The following TLE2 variants were observed in gnomAD, a reference collection of about 807,000 sequenced individuals.
TLE2 encodes TLE family member 2, transcriptional corepressor.
In TLE2, 74 loss-of-function variants were observed where a neutral mutation model predicts 97.2. That is an observed-to-expected ratio of 0.76 (90% CI 0.63 to 0.92). The LOEUF (loss-of-function observed/expected upper bound fraction) is 0.92. Among genes scored for constraint, TLE2 ranks in the 40% least tolerant of loss-of-function variants. The pLI is 0.00. For synonymous variants in TLE2, 499 were observed against 432.1 expected (o/e 1.15, Z -1.92); for missense variants, 1,038 against 1,008.7 (o/e 1.03, Z -0.39).
intron 19 of TLE2, among the ~76,000 whole-genome samples, chr19:2,998,275 G>A (rs2909198): frequency 0.49 from 53,464 of 110,194 alleles, 11,639 homozygotes; most frequent in African/African-American, 0.58. Context: ...GTGTGTGTGT[G>A]TAATTTTTTT....
intron 19 of TLE2, 24 bp downstream of exon 19, chr19:3,000,623 T>C (rs769785780): frequency 2.6e-6 from 4 of 1,563,538 alleles, no homozygotes; most frequent in Non-Finnish European, 2.6e-6. Context: ...CCTGCCAGAG[T>C]GGGGGCTCCA....
intron 17 of TLE2, 80 bp from the exon 18 acceptor site, chr19:3,002,583 G>T: frequency 6.7e-7 from 1 of 1,500,798 alleles, no homozygotes; most frequent in Non-Finnish European, 8.9e-7. Context: ...CCGTCACCCA[G>T]GCTGGAGTGC....
chr19:3,007,009 TC>T (rs1330626182), intron 14 of TLE2, among the ~76,000 whole-genome samples: 1 of 152,012 alleles, frequency 6.6e-6, no homozygotes, highest in East Asian at 1.9e-4. Context: ...GGTTTTGAAC[TC>T]CTAACCTCAA....
At chr19:3,003,567 G>A (rs1381737144) in intron 17 of TLE2, among the ~76,000 whole-genome samples, 1 of 152,042 alleles carries the variant, frequency 6.6e-6, no homozygotes, top group Non-Finnish European at 1.5e-5. Flanking sequence ...GAACTTGGGA[G>A]GTGGAGGTTG....
In TLE2 at chr19:3,028,559, C is replaced by T. The variant is rs1362527304; in HGVS notation, c.122+147G>A. On this transcript the variant is annotated intron_variant, in intron 2 of 19. Transcript: ENST00000262953. ...GCCCCAGCTCTGACTGTCCCCAGAC[C>T]CCTCTGCACCTGCGCTTCCACCTGG... 2.9e-6 allele frequency: 3 copies of T among 1,044,418 alleles called. No homozygotes were observed. The South Asian group carries it at 4.5e-5, about 16-fold the overall frequency. The allele number at this position is 1,044,418 out of a possible 1,614,324, so 64.7% of individuals were successfully genotyped here.
intron 1 of TLE2, among the ~76,000 whole-genome samples, chr19:3,040,228 G>A (rs2090090126): frequency 1.3e-5 from 2 of 152,210 alleles, no homozygotes; most frequent in South Asian, 4.1e-4. Context: ...CTTCCCTGGA[G>A]AGCTCATTGC....
chr19:3,008,906 C>T lies in TLE2; in HGVS notation c.1213G>A (p.Val405Ile), dbSNP rs1174693446. The T allele has an allele frequency of 1.0e-5, 16 of 1,595,094 alleles. No individual in the cohort carries two copies. The highest frequency in any genetic ancestry group is 4.0e-5 in the African/African-American group (3 of 74,314). The change falls in exon 14 of 20, where the codon GTC becomes ATC. Residue 405 changes from valine to isoleucine, a missense_variant. Physicochemically the swap from Val to Ile is conservative, Grantham distance 29 (BLOSUM62 3). Transcript: ENST00000262953. ...GGGATGCTGGGTAGGGAGGAAGAGACGGATGACCCTCGGAGATGGGGATGA... is the reference window on the plus strand; with the variant it reads ...GGGATGCTGGGTAGGGAGGAAGAGATGGATGACCCTCGGAGATGGGGATGA... ...ESHPHLRGSSVSSSLPSIPGG... is the reference protein window; with the variant it reads ...ESHPHLRGSSISSSLPSIPGG...
rs1197524548 is a variant in TLE2, at chr19:3,013,716, C to T, written c.826G>A (p.Ala276Thr). Residue 276 changes from alanine (A) to threonine (T), a missense_variant, in exon 11 of 20, where the codon GCC becomes ACC. Physicochemically the swap from Ala to Thr is moderately conservative, Grantham distance 58. Coordinates refer to ENST00000262953, the MANE Select transcript of TLE2 (RefSeq NM_003260.5). ...GGCAGCGGTGAGCCAAGGCTAGAGG[C>T]CAAGGAGGCTGGACTGTCCACCAGG... The part of the protein sequence containing the change: ...RDLVDSPASL[A>T]SSLGSPLPRA... 4 of 1,536,218 alleles carry T rather than the reference C, an allele frequency of 2.6e-6. No individual in the cohort carries two copies. The highest frequency in any genetic ancestry group is 3.5e-6 in the Non-Finnish European group (4 of 1,142,868).
At chr19:3,036,411 A>T (rs2090063424) in intron 1 of TLE2, among the ~76,000 whole-genome samples, 1 of 152,106 alleles carries the variant, frequency 6.6e-6, no homozygotes, top group Non-Finnish European at 1.5e-5. Context: ...GGCGCGGTAT[A>T]ATTACAGCCC....
At chr19:3,011,261 C>G (rs1272168525) in intron 11 of TLE2, 101 bp from the exon 12 acceptor site, 1 of 1,316,552 alleles carries the variant, frequency 7.6e-7, no homozygotes, top group African/African-American at 1.5e-5. Context: ...GTCGCAGTGT[C>G]TCACACCTGT....
upstream of TLE2, among the ~76,000 whole-genome samples, chr19:3,031,492 T>A (rs2090024803): frequency 6.6e-6 from 1 of 152,010 alleles, no homozygotes; most frequent in Non-Finnish European, 1.5e-5. Context: ...ACCATCTCTT[T>A]ATGTTTTGTT....
At position 3,005,541 on chromosome 19, in the gene TLE2, A is replaced by AC; in HGVS notation, c.1791_1792insG (p.Ser598ValfsTer31). The AC allele has an allele frequency of 6.2e-7, 1 of 1,613,660 alleles. No homozygotes were observed. The highest frequency in any genetic ancestry group is 8.5e-7 in the Non-Finnish European group (1 of 1,179,786). On this transcript the variant is annotated frameshift_variant, in exon 17 of 20. Transcript: ENST00000262953. LOFTEE classifies it high-confidence loss of function. Reference sequence around the variant, plus strand: ...GTCCAGAGCCGAGTGCCGTAATCGGAAATATCAATGCAGCTGGCGCCGTCC... The same window carrying AC: ...GTCCAGAGCCGAGTGCCGTAATCGGACAATATCAATGCAGCTGGCGCCGTCC...
chr19:3,014,059 G>A (rs1662575591), intron 10 of TLE2, among the ~76,000 whole-genome samples: 2 of 151,426 alleles, frequency 1.3e-5, no homozygotes, highest in African/African-American at 4.9e-5. Flanking sequence ...TCCGCCTCCT[G>A]GGTTCAAGCG....
intron 8 of TLE2, among the ~76,000 whole-genome samples, chr19:3,016,566 G>A (rs1246986483): frequency 6.9e-6 from 1 of 144,576 alleles, no homozygotes; most frequent in African/African-American, 2.6e-5. Context: ...CTCCAGCCTG[G>A]GCGACAGGGC....
chr19:3,044,967 C>T (rs923116587), intron 1 of TLE2, among the ~76,000 whole-genome samples: 20 of 152,138 alleles, frequency 1.3e-4, no homozygotes, highest in Non-Finnish European at 2.4e-4. Flanking sequence ...ACTGTCATCC[C>T]AGCACTTTGG....
intron 5 of TLE2, among the ~76,000 whole-genome samples, chr19:3,024,379 A>G (rs2089904303): frequency 6.6e-6 from 1 of 151,984 alleles, no homozygotes; most frequent in African/African-American, 2.4e-5. Flanking sequence ...TTGTGCAGCC[A>G]TCCCCAGCAC....
rs948993804 is a variant in TLE2 at position 3,019,679 on chromosome 19, C to T, written c.369+20G>A. The T allele has an allele frequency of 2.5e-6, 4 of 1,600,452 alleles. No individual in the cohort carries two copies. The African/African-American group carries it at 4.0e-5, about 16-fold the overall frequency. ...GAGTGGGCGTCTCCCCATGGCGGGG[C>T]AGGGGCTAGAGAGACTCACCCCGAT... On this transcript the variant is annotated intron_variant, in intron 6 of 19. Coordinates refer to ENST00000262953, the MANE Select transcript of TLE2 (RefSeq NM_003260.5). The surrounding 1 kb of genome is among the most constrained non-coding windows in gnomAD (Gnocchi z 5.1).
At chr19:3,034,018 C>T (rs988279917), upstream of TLE2, among the ~76,000 whole-genome samples, 5 of 152,032 alleles carry the variant, frequency 3.3e-5, no homozygotes, top group Admixed American at 1.3e-4. Flanking sequence ...GCACCACCTC[C>T]GGTTCCTACT....
At chr19:3,016,666 C>CTT (rs2089713358) in intron 8 of TLE2, among the ~76,000 whole-genome samples, 1 of 151,902 alleles carries the variant, frequency 6.6e-6, no homozygotes, top group African/African-American at 2.4e-5. Flanking sequence ...TGTTGGGGAG[C>CTT]ACCCACAGAT....
Sources: gnomAD v4.1 joint callset for allele counts (sites outside exome capture counted in the v4.1 genomes callset) on GRCh38, gnomAD v4.1.1 for gene constraint, Gnocchi (gnomAD v3.1) non-coding constraint, MANE v1.5 for transcripts, NCBI Gene and HGNC (gene_info 2026-07-23, HGNC 2026-07-21) for gene names.